LPCAT1: variants seen among roughly 807,000 people sequenced by gnomAD.
LPCAT1 encodes the protein 1-acylglycerol-3-phosphate O-acyltransferase.
A neutral mutation model predicts 60.9 loss-of-function variants in LPCAT1; 23 were observed. The observed-to-expected ratio is 0.38, with a 90% CI of 0.27 to 0.53. The LOEUF (loss-of-function observed/expected upper bound fraction) is 0.53. Among genes scored for constraint, LPCAT1 ranks in the 20% least tolerant of loss-of-function variants. LPCAT1 has a pLI of 0.82. For missense variants in LPCAT1, 622 were observed against 723.6 expected, an observed-to-expected ratio of 0.86 and a Z score of 1.61; for synonymous variants, 340 against 301.1, an observed-to-expected ratio of 1.13 and a Z score of -1.34.
chr5:1,516,096 TG>T (rs1301241425), intron 1 of LPCAT1, among the ~76,000 whole-genome samples: 1 of 152,196 alleles, frequency 6.6e-6, no homozygotes, highest in African/African-American at 2.4e-5. Flanking sequence ...TGCTGGGGGC[TG>T]GAGGCCACTG....
chr5:1,520,860 C>CAATAAAA (rs1736651313), intron 1 of LPCAT1, among the ~76,000 whole-genome samples: 1 of 82,046 alleles, frequency 1.2e-5, no homozygotes, highest in African/African-American at 4.9e-5. Flanking sequence ...GAGACTGTCT[C>CAATAAAA]AAAAAAAAAA....
At chr5:1,491,262 C>T (rs548983965) in intron 3 of LPCAT1, among the ~76,000 whole-genome samples, 41 of 152,230 alleles carry the variant, frequency 2.7e-4, no homozygotes, top group African/African-American at 8.4e-4. Flanking sequence ...ATGGCGCACG[C>T]GTCAAAGAAA....
At chr5:1,519,096 A>T in intron 1 of LPCAT1, among the ~76,000 whole-genome samples, 1 of 152,252 alleles carries the variant, frequency 6.6e-6, no homozygotes, top group Non-Finnish European at 1.5e-5. Context: ...AATATAAGAT[A>T]AAGGGCTCTT....
chr5:1,484,580 G>A (rs187533604), intron 5 of LPCAT1, among the ~76,000 whole-genome samples: 75 of 152,280 alleles, frequency 4.9e-4, no homozygotes, highest in African/African-American at 1.2e-3. Flanking sequence ...TCCTGGCTGC[G>A]GGATTCTGCA....
intron 2 of LPCAT1, among the ~76,000 whole-genome samples, chr5:1,500,210 A>G (rs1735954893): frequency 1.3e-5 from 2 of 152,274 alleles, no homozygotes; most frequent in South Asian, 4.1e-4. Flanking sequence ...AGAGATGTTA[A>G]CAACACATGG....
chr5:1,479,721 T>C, intron 7 of LPCAT1, 46 bp from the exon 8 acceptor site: 2 of 1,464,238 alleles, frequency 1.4e-6, no homozygotes, highest in Non-Finnish European at 1.9e-6. Flanking sequence ...CAACTCGGGT[T>C]AACAAGTAAA....
At chr5:1,515,244 G>A (rs960803802) in intron 1 of LPCAT1, among the ~76,000 whole-genome samples, 3 of 151,212 alleles carry the variant, frequency 2.0e-5, no homozygotes, top group Non-Finnish European at 1.5e-5. Context: ...CGAACTGGCC[G>A]CAGATACAGG....
At position 1,521,115 on chromosome 5, in the gene LPCAT1, C is replaced by T. The variant is rs981160924; in HGVS notation, c.135+2595G>A. Among the ~76,000 whole-genome samples, 1 of 152,156 alleles carries T rather than the reference C, an allele frequency of 6.6e-6. No individual in the cohort carries two copies. Among genetic ancestry groups the T allele is most frequent in the African/African-American group, 2.4e-5 (1 of 41,416 alleles). On this transcript the variant is annotated intron_variant, in intron 1 of 13. Coordinates refer to ENST00000283415, the MANE Select transcript of LPCAT1 (RefSeq NM_024830.5). The surrounding 1 kb of genome is among the most constrained non-coding windows in gnomAD (Gnocchi z 4.3). The stretch of plus-strand genomic sequence containing the variant: ...ACTAAATCTATATCCTTGCTTTAGC[C>T]AGAGGATTAAAACATTGCACGTATT...
chr5:1,511,308 G>A (rs530749544), intron 1 of LPCAT1, among the ~76,000 whole-genome samples: 12 of 152,306 alleles, frequency 7.9e-5, no homozygotes, highest in African/African-American at 2.4e-4. Context: ...TGTAGCAGAC[G>A]TGGCATCAGA....
In LPCAT1 at chr5:1,488,455, G is replaced by C. The variant is rs1735451100; in HGVS notation, c.607-4C>G. On this transcript the variant is annotated splice_region_variant and splice_polypyrimidine_tract_variant and intron_variant, in intron 4 of 13. Coordinates refer to ENST00000283415, the MANE Select transcript of LPCAT1 (RefSeq NM_024830.5). ...TTCCTTCTGGAAAAATCATTATCTG[G>C]AAGTGGGAGAAAGAAAAGGATCAGC... The C allele has an allele frequency of 6.3e-7, 1 of 1,587,662 alleles. No individual in the cohort carries two copies. The highest frequency in any genetic ancestry group is 8.6e-7 in the Non-Finnish European group (1 of 1,163,918).
intron 1 of LPCAT1, among the ~76,000 whole-genome samples, chr5:1,503,771 G>A (rs1279944363): frequency 6.7e-6 from 1 of 149,652 alleles, no homozygotes; most frequent in Non-Finnish European, 1.5e-5. Flanking sequence ...TTTTGTCAAT[G>A]GGGAAGTCTC....
At chr5:1,475,034 G>A (rs556983888) in intron 9 of LPCAT1, among the ~76,000 whole-genome samples, 3 of 152,382 alleles carry the variant, frequency 2.0e-5, no homozygotes, top group Middle Eastern at 3.4e-3. Context: ...AGACGCCAAA[G>A]TGAGCTCACA....
In LPCAT1 at chr5:1,473,996, A is replaced by G. The variant is rs1315416347; in HGVS notation, c.1140T>C (p.Val380=). 9.3e-6 allele frequency: 15 copies of G among 1,614,072 alleles called. No individual in the cohort carries two copies. Among genetic ancestry groups the G allele is most frequent in the Non-Finnish European group, 1.3e-5 (15 of 1,180,048 alleles). ...AAAACATGTCTTCCAGCAAGTCAGA[A>G]ACGGGGACTTCCAGGGAGGCGGCAA... is the stretch of plus-strand genomic sequence containing the variant. ...AEFAASLEVP[V]SDLLEDMFSL... Residue 380 remains valine, a synonymous_variant, in exon 11 of 14, where the codon GTT becomes GTC. Transcript: ENST00000283415.
chr5:1,480,832 C>T lies in LPCAT1; in HGVS notation c.761+110G>A. On this transcript the variant is annotated intron_variant, in intron 7 of 13. Coordinates refer to ENST00000283415, the MANE Select transcript of LPCAT1 (RefSeq NM_024830.5). This position sits in a 1 kb window ranked among gnomAD's most constrained non-coding sequence, Gnocchi z 6.4. Reference sequence around the variant, plus strand: ...TGGGCTGAACCTAACGGCTGTCCCACACCTGCTTTCACAACTGCAAAAGTA... The same window carrying T: ...TGGGCTGAACCTAACGGCTGTCCCATACCTGCTTTCACAACTGCAAAAGTA... 7.5e-7 allele frequency: 1 copy of T among 1,329,380 alleles called. No homozygotes were observed. 82.3% of individuals were successfully genotyped at this position (1,329,380 alleles called of 1,614,324 possible). A position where few individuals can be genotyped will look rare whatever the true frequency, so the allele number is the denominator to read the frequency against.
At chr5:1,517,729 T>C (rs368150642) in intron 1 of LPCAT1, among the ~76,000 whole-genome samples, 217 of 151,344 alleles carry the variant, frequency 1.4e-3, no homozygotes, top group Middle Eastern at 0.01. Context: ...TGGAAGCAAG[T>C]AGTGACCATA....
chr5:1,499,021 G>A (rs535861500), intron 2 of LPCAT1, among the ~76,000 whole-genome samples: 6 of 152,334 alleles, frequency 3.9e-5, no homozygotes, highest in African/African-American at 1.4e-4. Flanking sequence ...TGAAGCAGAG[G>A]TGACAGAAAC....
chr5:1,491,282 T>C (rs1386543088), intron 3 of LPCAT1, among the ~76,000 whole-genome samples: 24 of 99,920 alleles, frequency 2.4e-4, no homozygotes, highest in Admixed American at 2.2e-3. Flanking sequence ...ATGGCCCTGA[T>C]TGCGTGGTCT....
At position 1,461,996 on chromosome 5, in the gene LPCAT1, C is replaced by T. The variant is rs2126446076; in HGVS notation, c.*1655G>A. 6.6e-6 allele frequency: 1 copy of T among 152,596 alleles called. No individual in the cohort carries two copies. The highest frequency in any genetic ancestry group is 2.4e-5 in the African/African-American group (1 of 41,570). 9.5% of individuals were successfully genotyped at this position (152,596 alleles called of 1,614,324 possible). A position where few individuals can be genotyped will look rare whatever the true frequency, so the allele number is the denominator to read the frequency against. ...GCCCTGAAATTGACTTCGGTTTACTCCATCCCTGTCTGTCCTGCTGGCAGT... is the reference window on the plus strand; with the variant it reads ...GCCCTGAAATTGACTTCGGTTTACTTCATCCCTGTCTGTCCTGCTGGCAGT... On this transcript the variant is annotated 3_prime_UTR_variant, in exon 14 of 14. Coordinates refer to ENST00000283415, the MANE Select transcript of LPCAT1 (RefSeq NM_024830.5).
chr5:1,480,235 A>C lies in LPCAT1; in HGVS notation c.762-560T>G. 7.9e-6 allele frequency: 4 copies of C among 507,714 alleles called. No individual in the cohort carries two copies. The highest frequency in any genetic ancestry group is 1.0e-5 in the Non-Finnish European group (4 of 396,402). The allele number at this position is 507,714 out of a possible 1,614,324, so 31.5% of individuals were successfully genotyped here. Reference sequence around the variant, plus strand: ...ACCCCAGAACCCCTATACCCCCCAGAGCCCCCTCCCAGCTCTGCTCCCAGC... The same window carrying C: ...ACCCCAGAACCCCTATACCCCCCAGCGCCCCCTCCCAGCTCTGCTCCCAGC... On this transcript the variant is annotated intron_variant, in intron 7 of 13. Coordinates refer to ENST00000283415, the MANE Select transcript of LPCAT1 (RefSeq NM_024830.5). This position sits in a 1 kb window ranked among gnomAD's most constrained non-coding sequence, Gnocchi z 6.4.
Sources: gnomAD v4.1 joint callset for allele counts (sites outside exome capture counted in the v4.1 genomes callset) on GRCh38, gnomAD v4.1.1 for gene constraint, Gnocchi (gnomAD v3.1) non-coding constraint, MANE v1.5 for transcripts, NCBI Gene and HGNC (gene_info 2026-07-23, HGNC 2026-07-21) for gene names.